Variants in TOP3A observed in about 807,000 individuals in gnomAD.
TOP3A encodes DNA topoisomerase 3-alpha.
TOP3A carries 64 observed loss-of-function variants against 111.3 expected under a neutral mutation model. The observed-to-expected ratio is 0.57, with a 90% confidence interval of 0.47 to 0.71. The LOEUF (loss-of-function observed/expected upper bound fraction) is 0.71. Ranked by LOEUF, TOP3A falls within the 30% of genes least tolerant of loss-of-function variation. TOP3A has a pLI of 0.00. For synonymous variants in TOP3A, 484 were observed against 485.1 expected (o/e 1.00, Z 0.03); for missense variants, 1,104 against 1,285.0 (o/e 0.86, Z 2.15).
At position 18,299,599 on chromosome 17, in the gene TOP3A, T is replaced by C; in HGVS notation, c.950A>G (p.Lys317Arg). 6.2e-7 allele frequency: 1 copy of C among 1,614,126 alleles called. No homozygotes were observed. Among genetic ancestry groups the C allele is most frequent in the Non-Finnish European group, 8.5e-7 (1 of 1,179,976 alleles). The change falls in exon 9 of 19, where the codon AAG becomes AGG. Residue 317 changes from lysine to arginine, a missense_variant. Coordinates refer to ENST00000321105, the MANE Select transcript of TOP3A (RefSeq NM_004618.5). ...TTGAGGCCGCCACTTGCTCTTGGGC[T>C]TAGATCTGACCTCTACCACAGTTGC... is the stretch of plus-strand genomic sequence containing the variant. ...PMATVVEVRS[K>R]PKSKWRPQAL... is the part of the protein sequence containing the mutation.
At chr17:18,275,080 A>AATCCTCCTCCCTC in intron 18 of TOP3A, 100 bp from the exon 19 acceptor site, 1 of 1,476,124 alleles carries the variant, frequency 6.8e-7, no homozygotes, top group Non-Finnish European at 9.1e-7. Flanking sequence ...GCACTTTAGG[A>AATCCTCCTCCCTC]AGCTGAGGGA....
intron 9 of TOP3A, among the ~76,000 whole-genome samples, chr17:18,297,487 C>T (rs1980894314): frequency 6.6e-6 from 1 of 152,102 alleles, no homozygotes; most frequent in South Asian, 2.1e-4. Context: ...CCACGGTCTC[C>T]CTCTGATGCC....
intron 11 of TOP3A, among the ~76,000 whole-genome samples, chr17:18,291,784 G>A (rs557520997): frequency 8.7e-4 from 132 of 151,692 alleles, no homozygotes; most frequent in Non-Finnish European, 5.1e-4. Context: ...GTGCAATCTC[G>A]GCTTATTGCA....
At chr17:18,309,027 C>A in intron 1 of TOP3A, 86 bp from the exon 2 acceptor site, 1 of 760,860 alleles carries the variant, frequency 1.3e-6, no homozygotes, top group South Asian at 2.5e-5. Context: ...CTGAATTTGG[C>A]AATGATTTCT....
intron 1 of TOP3A, among the ~76,000 whole-genome samples, chr17:18,313,770 C>A (rs1982066466): frequency 6.6e-6 from 1 of 152,136 alleles, no homozygotes; most frequent in Non-Finnish European, 1.5e-5. Context: ...AACCCTGGCT[C>A]CACTCCCACT....
intron 16 of TOP3A, among the ~76,000 whole-genome samples, chr17:18,280,925 T>C (rs770873439): frequency 2.6e-5 from 4 of 152,274 alleles, no homozygotes; most frequent in African/African-American, 4.8e-5. Context: ...GGCTCTGTGC[T>C]GTGCACTCAC....
At chr17:18,282,052 G>A (rs1979794247) in intron 16 of TOP3A, among the ~76,000 whole-genome samples, 1 of 152,124 alleles carries the variant, frequency 6.6e-6, no homozygotes, top group Non-Finnish European at 1.5e-5. Flanking sequence ...CTTTCCCCGT[G>A]AACTTCCTCC....
At chr17:18,301,187 G>A (rs933478606) in intron 8 of TOP3A, among the ~76,000 whole-genome samples, 2 of 152,146 alleles carry the variant, frequency 1.3e-5, no homozygotes, top group Admixed American at 6.5e-5. Context: ...GCAGCCCCTG[G>A]GTTAAACCAG....
Position 18,301,998 on chromosome 17 carries a change from G to A in TOP3A, c.815-13C>T. 5 of 1,608,292 alleles carry A rather than the reference G, an allele frequency of 3.1e-6. No homozygotes were observed. The highest frequency in any genetic ancestry group is 4.3e-6 in the Non-Finnish European group (5 of 1,174,934). Reference sequence around the variant, plus strand: ...TGGTCATGAGTTACTATATTAAGGAGAGACAAACAGAAAGGCTGTGTCTCA... The same window carrying A: ...TGGTCATGAGTTACTATATTAAGGAAAGACAAACAGAAAGGCTGTGTCTCA... On this transcript the variant is annotated splice_polypyrimidine_tract_variant and intron_variant, in intron 7 of 18. Coordinates refer to ENST00000321105, the MANE Select transcript of TOP3A (RefSeq NM_004618.5).
rs1343778749 is a variant in TOP3A, at chr17:18,314,706, C to T, written c.73G>A (p.Ala25Thr). The change falls in exon 1 of 19, where the codon GCC becomes ACC. Residue 25 changes from alanine to threonine, a missense_variant. Coordinates refer to ENST00000321105, the MANE Select transcript of TOP3A (RefSeq NM_004618.5). ...ACGCCTCGGAGGGCCATCTCCATGG[C>T]GGCGCGGGAAAAGGCACGGTCTTCG... ...RPEDRAFSRA[A>T]MEMALRGVRK... is the part of the protein sequence containing the mutation. 1.9e-6 allele frequency: 3 copies of T among 1,607,938 alleles called. No individual in the cohort carries two copies. The highest frequency in any genetic ancestry group is 3.4e-5 in the Admixed American group (2 of 59,056).
intron 15 of TOP3A, among the ~76,000 whole-genome samples, chr17:18,283,106 T>C (rs972778969): frequency 1.3e-5 from 2 of 152,088 alleles, no homozygotes; most frequent in Admixed American, 6.6e-5. Context: ...CTGGGCCAAA[T>C]GTGGTGGCTC....
At chr17:18,299,731 A>C (rs538443274) in intron 8 of TOP3A, 98 bp from the exon 9 acceptor site, 8 of 1,154,402 alleles carry the variant, frequency 6.9e-6, no homozygotes, top group Non-Finnish European at 1.0e-5. Flanking sequence ...GATCACACTG[A>C]CCACCGCCAG....
chr17:18,301,483 C>T (rs545838303), intron 8 of TOP3A, among the ~76,000 whole-genome samples: 1 of 152,304 alleles, frequency 6.6e-6, no homozygotes, highest in African/African-American at 2.4e-5. Flanking sequence ...TAAAATTAGC[C>T]CACTAATTTG....
At chr17:18,297,633 T>C (rs976180511) in intron 9 of TOP3A, among the ~76,000 whole-genome samples, 5 of 152,146 alleles carry the variant, frequency 3.3e-5, no homozygotes, top group African/African-American at 1.2e-4. Context: ...CTGTGTTGGC[T>C]GGGCTGGTCT....
rs1387019797 is a variant in TOP3A, at chr17:18,314,896, C to G, written c.-118G>C. ...CCAGAGCCTCGCTTCGGTCACGTCC[C>G]CACCAGCCTGCTGGCCTTTGGAGCT... On this transcript the variant is annotated 5_prime_UTR_variant, in exon 1 of 19. Coordinates refer to ENST00000321105, the MANE Select transcript of TOP3A (RefSeq NM_004618.5). 6.5e-6 allele frequency: 3 copies of G among 464,998 alleles called. No homozygotes were observed. The highest frequency in any genetic ancestry group is 2.1e-5 in the African/African-American group (1 of 47,308). 28.8% of individuals were successfully genotyped at this position (464,998 alleles called of 1,614,324 possible).
chr17:18,291,335 A>T (rs531609298), intron 11 of TOP3A, among the ~76,000 whole-genome samples: 1 of 152,372 alleles, frequency 6.6e-6, no homozygotes, highest in South Asian at 2.1e-4. Context: ...AGTTAGCAAG[A>T]CACTCCTCAA....
chr17:18,296,275 T>C (rs757767389), intron 9 of TOP3A, among the ~76,000 whole-genome samples: 2 of 152,160 alleles, frequency 1.3e-5, no homozygotes, highest in African/African-American at 2.4e-5. Context: ...CTAAAACACA[T>C]ATGCCTACTA....
In TOP3A at chr17:18,274,571, T is replaced by G; in HGVS notation, c.*231A>C. On this transcript the variant is annotated 3_prime_UTR_variant, in exon 19 of 19. Transcript: ENST00000321105. Reference sequence around the variant, plus strand: ...GAGCAGCTGCGTGACTTTTCAGCAGTGGCTATGGTCACTCCTGAGGCCTGG... The same window carrying G: ...GAGCAGCTGCGTGACTTTTCAGCAGGGGCTATGGTCACTCCTGAGGCCTGG... 1.9e-6 allele frequency: 1 copy of G among 534,746 alleles called. No individual in the cohort carries two copies. The highest frequency in any genetic ancestry group is 5.5e-5 in the South Asian group (1 of 18,040). 33.1% of individuals were successfully genotyped at this position (534,746 alleles called of 1,614,324 possible).
intron 5 of TOP3A, among the ~76,000 whole-genome samples, chr17:18,304,548 T>C (rs1255437544): frequency 2.7e-5 from 4 of 150,890 alleles, no homozygotes; most frequent in African/African-American, 7.3e-5. Context: ...GTTAGAGCCT[T>C]TAAATCCACT....
Sources: allele counts gnomAD v4.1 joint callset (sites outside exome capture counted in the v4.1 genomes callset), GRCh38; gene constraint gnomAD v4.1.1; transcripts MANE v1.5; gene names NCBI Gene and HGNC (gene_info 2026-07-23, HGNC 2026-07-21).